The following ST7L variants were observed in gnomAD, a reference collection of about 807,000 sequenced individuals.
ST7L encodes the protein suppression of tumorigenicity 7 like.
ST7L carries 57 observed loss-of-function variants against 72.5 expected under a neutral mutation model. The ratio of observed to expected loss-of-function variants is 0.79; its 90% CI spans 0.64 to 0.98. The LOEUF (loss-of-function observed/expected upper bound fraction) is 0.98. Among genes scored for constraint, ST7L ranks in the 50% least tolerant of loss-of-function variants. The pLI, the probability that ST7L is intolerant of heterozygous loss-of-function variation, is 0.00. For missense variants in ST7L, 576 were observed against 672.2 expected, an observed-to-expected ratio of 0.86 and a Z score of 1.58; for synonymous variants, 221 against 240.9, an observed-to-expected ratio of 0.92 and a Z score of 0.77.
chr1:112,545,916 T>C (rs527348041), intron 13 of ST7L, among the ~76,000 whole-genome samples: 71 of 152,302 alleles, frequency 4.7e-4, no homozygotes, highest in African/African-American at 1.6e-3. Flanking sequence ...GAGGAAGATA[T>C]ATGAGGACCG....
intron 6 of ST7L, among the ~76,000 whole-genome samples, chr1:112,585,566 T>C (rs1404172010): frequency 6.6e-6 from 1 of 151,494 alleles, no homozygotes; most frequent in Admixed American, 6.6e-5. Context: ...CTGTCTCTAC[T>C]AAAAAAAATA....
intron 6 of ST7L, among the ~76,000 whole-genome samples, chr1:112,586,433 C>A (rs1378870670): frequency 6.6e-6 from 1 of 152,068 alleles, no homozygotes; most frequent in East Asian, 1.9e-4. Context: ...CAGAGCAAGA[C>A]CCTGTCTCTA....
At chr1:112,578,463 T>C (rs771773191) in intron 9 of ST7L, 46 bp from the exon 10 acceptor site, 2 of 1,538,378 alleles carry the variant, frequency 1.3e-6, no homozygotes, top group Non-Finnish European at 1.8e-6. Context: ...AAAAAAGGTA[T>C]TGAGACAATT....
chr1:112,579,544 A>C (rs1663771498), intron 9 of ST7L, among the ~76,000 whole-genome samples: 1 of 152,074 alleles, frequency 6.6e-6, no homozygotes, highest in Non-Finnish European at 1.5e-5. Flanking sequence ...ATCCAGGTTG[A>C]TTCAACCGAG....
intron 1 of ST7L, 34 bp from the exon 2 acceptor site, chr1:112,616,929 A>T (rs759292028): frequency 1.8e-5 from 27 of 1,508,544 alleles, no homozygotes; most frequent in Non-Finnish European, 2.7e-6. Flanking sequence ...GTTTTAAAAA[A>T]TGCAAATTTA....
intron 2 of ST7L, among the ~76,000 whole-genome samples, chr1:112,611,314 T>C (rs1379202109): frequency 1.3e-5 from 2 of 152,246 alleles, no homozygotes; most frequent in Non-Finnish European, 2.9e-5. Context: ...CATTGTCATT[T>C]TATTCTATCT....
rs1653072542 is a variant in ST7L at position 112,524,221 on chromosome 1, T to A, written c.*1792A>T. ...CAGACCCACTCAGGACACGAGTCTC[T>A]ACATGGCTTAACAGAAGAGAGATAA... On this transcript the variant is annotated 3_prime_UTR_variant, in exon 15 of 15. Transcript: ENST00000358039. 1.3e-5 allele frequency: 2 copies of A among 152,606 alleles called. No individual in the cohort carries two copies. The allele number at this position is 152,606 out of a possible 1,614,324, so 9.5% of individuals were successfully genotyped here.
At chr1:112,521,749 T>A (rs1652894521), downstream of ST7L, 2 of 152,180 alleles carry the variant, frequency 1.3e-5, no homozygotes, top group African/African-American at 4.8e-5. Flanking sequence ...AGGTTTGCAG[T>A]AGTGGAATCT....
At chr1:112,582,168 C>A in intron 8 of ST7L, 62 bp from the exon 9 acceptor site, 1 of 1,254,336 alleles carries the variant, frequency 8.0e-7, no homozygotes, top group Admixed American at 1.9e-5. Context: ...AGAGCTGAGC[C>A]AGATTCATTA....
At chr1:112,533,245 T>G (rs11102490) in intron 14 of ST7L, among the ~76,000 whole-genome samples, 4,609 of 152,298 alleles carry the variant, frequency 0.03, 254 homozygotes, top group African/African-American at 0.1. Flanking sequence ...CGGCATTCTT[T>G]CTTAAGTAGC....
chr1:112,596,206 C>G (rs576640318), intron 5 of ST7L, among the ~76,000 whole-genome samples: 1 of 152,238 alleles, frequency 6.6e-6, no homozygotes, highest in East Asian at 1.9e-4. Context: ...TGCAATTAAA[C>G]CATTTTATGT....
intron 11 of ST7L, among the ~76,000 whole-genome samples, chr1:112,576,263 T>C (rs894831619): frequency 6.6e-6 from 1 of 152,112 alleles, no homozygotes; most frequent in African/African-American, 2.4e-5. Context: ...ATAATTTTTA[T>C]ATTTTTTGCA....
chr1:112,615,561 G>A (rs553218890), intron 2 of ST7L, among the ~76,000 whole-genome samples: 1 of 152,290 alleles, frequency 6.6e-6, no homozygotes, highest in African/African-American at 2.4e-5. Flanking sequence ...TGTAATCCCA[G>A]CTACTAGGGA....
At chr1:112,542,462 T>C (rs1344001147) in intron 13 of ST7L, among the ~76,000 whole-genome samples, 1 of 152,184 alleles carries the variant, frequency 6.6e-6, no homozygotes, top group African/African-American at 2.4e-5. Context: ...TTTTAAGTGC[T>C]TAATGTGAGT....
At chr1:112,535,642 GGATCACTT>G (rs1655079679) in intron 14 of ST7L, among the ~76,000 whole-genome samples, 1 of 151,816 alleles carries the variant, frequency 6.6e-6, no homozygotes, top group Admixed American at 6.6e-5. Context: ...TGAGGTGGGA[GGATCACTT>G]GAGCCCAGGT....
At chr1:112,605,139 C>T (rs1668022702) in intron 3 of ST7L, among the ~76,000 whole-genome samples, 1 of 149,464 alleles carries the variant, frequency 6.7e-6, no homozygotes, top group Admixed American at 6.7e-5. Flanking sequence ...CACCTATAAT[C>T]CCAGCACTTT....
In ST7L at chr1:112,618,928, C is replaced by T. The variant is rs747120859; in HGVS notation, c.186G>A (p.Leu62=). 2.0e-5 allele frequency: 32 copies of T among 1,568,392 alleles called. No individual in the cohort carries two copies. Among genetic ancestry groups the T allele is most frequent in the Non-Finnish European group, 2.3e-5 (27 of 1,156,952 alleles). Residue 62 remains leucine (L), a synonymous_variant, in exon 1 of 15, where the codon CTG becomes CTA. Coordinates refer to ENST00000358039, the MANE Select transcript of ST7L (RefSeq NM_017744.5). ...LLYALRIPLR[L]CENLAAVTVF... ...TCTCACCCGCTGCCAAATTCTCACACAGCCTCAAAGGGATCCTCAGGGCGT... is the reference window on the plus strand; with the variant it reads ...TCTCACCCGCTGCCAAATTCTCACATAGCCTCAAAGGGATCCTCAGGGCGT...
intron 14 of ST7L, chr1:112,529,751 TAAAAAAA>T (rs78844605): frequency 2.0e-5 from 2 of 98,990 alleles, no homozygotes; most frequent in African/African-American, 7.5e-5. Context: ...AGATAAAAGT[TAAAAAAA>T]AAAAAAAAAA....
intron 13 of ST7L, among the ~76,000 whole-genome samples, chr1:112,544,335 T>A (rs966657793): frequency 6.6e-6 from 1 of 152,240 alleles, no homozygotes; most frequent in African/African-American, 2.4e-5. Context: ...TATTTTAATT[T>A]TTATTTTACT....
Sources: gnomAD v4.1 joint callset for allele counts (sites outside exome capture counted in the v4.1 genomes callset) on GRCh38, gnomAD v4.1.1 for gene constraint, MANE v1.5 for transcripts, NCBI Gene and HGNC (gene_info 2026-07-23, HGNC 2026-07-21) for gene names.